The following FBN2 variants were observed in gnomAD, a reference collection of about 807,000 sequenced individuals.
FBN2 encodes the protein fibrillin 2.
In FBN2, 105 loss-of-function variants were observed where a neutral mutation model predicts 355.6. The observed-to-expected ratio is 0.30, with a 90% CI of 0.25 to 0.35. FBN2 has a LOEUF of 0.35. Among genes scored for constraint, FBN2 ranks in the 10% least tolerant of loss-of-function variants. The pLI is 1.00. For missense variants in FBN2, 3,280 were observed against 3,758.7 expected (o/e 0.87, Z 3.33); for synonymous variants, 1,350 against 1,301.2 (o/e 1.04, Z -0.81).
intron 7 of FBN2, among the ~76,000 whole-genome samples, chr5:128,427,001 C>G (rs1453370373): frequency 6.6e-6 from 1 of 152,140 alleles, no homozygotes; most frequent in East Asian, 1.9e-4. Context: ...CTTTAAAGAC[C>G]AACTCTAAGT....
intron 8 of FBN2, among the ~76,000 whole-genome samples, chr5:128,404,709 G>A (rs555815179): frequency 2.0e-5 from 3 of 152,272 alleles, no homozygotes; most frequent in East Asian, 3.9e-4. Context: ...ATAAGACAGG[G>A]CCTAACAAAG....
intron 7 of FBN2, among the ~76,000 whole-genome samples, chr5:128,436,560 A>T (rs2127039539): frequency 6.6e-6 from 1 of 152,178 alleles, no homozygotes; most frequent in East Asian, 1.9e-4. Context: ...TCTATTTTAT[A>T]TGGAGAAAGA....
intron 5 of FBN2, among the ~76,000 whole-genome samples, chr5:128,505,057 T>G (rs1392619315): frequency 2.0e-5 from 3 of 152,218 alleles, no homozygotes; most frequent in African/African-American, 7.2e-5. Flanking sequence ...CTCTCTTTCC[T>G]GCCGCCATTT....
intron 62 of FBN2, among the ~76,000 whole-genome samples, chr5:128,265,999 T>A (rs1316857135): frequency 6.6e-6 from 1 of 152,238 alleles, no homozygotes; most frequent in Non-Finnish European, 1.5e-5. Flanking sequence ...GCTGAAGATA[T>A]TCACACAAGT....
intron 25 of FBN2, among the ~76,000 whole-genome samples, chr5:128,343,926 A>G (rs993212593): frequency 1.1e-4 from 16 of 152,178 alleles, no homozygotes; most frequent in African/African-American, 3.9e-4. Context: ...AGTGTAGAGA[A>G]AAGAAATTTA....
At chr5:128,531,709 T>A (rs994616486) in intron 2 of FBN2, among the ~76,000 whole-genome samples, 17 of 140,574 alleles carry the variant, frequency 1.2e-4, no homozygotes, top group Non-Finnish European at 2.4e-4. Flanking sequence ...TAAGTGTATA[T>A]ATATGTATGT....
intron 64 of FBN2, 52 bp downstream of exon 64, chr5:128,261,684 A>C: frequency 1.9e-6 from 3 of 1,567,824 alleles, no homozygotes; most frequent in Middle Eastern, 1.7e-4. Flanking sequence ...CACTGTATAC[A>C]TGACTCCGTA....
chr5:128,394,828 C>G (rs1244885894), intron 9 of FBN2, among the ~76,000 whole-genome samples: 1 of 152,132 alleles, frequency 6.6e-6, no homozygotes, highest in African/African-American at 2.4e-5. Flanking sequence ...CTCTGTCACT[C>G]AGGCTGGAGT....
intron 7 of FBN2, among the ~76,000 whole-genome samples, chr5:128,414,352 G>T (rs1581273959): frequency 6.6e-6 from 1 of 152,038 alleles, no homozygotes; most frequent in East Asian, 1.9e-4. Context: ...GTTTATTCTG[G>T]ACATTTCATA....
chr5:128,357,282 A>G lies in FBN2; in HGVS notation c.2668T>C (p.Cys890Arg), dbSNP rs1293889629. The G allele has an allele frequency of 6.2e-7, 1 of 1,613,954 alleles. No individual in the cohort carries two copies. The highest frequency in any genetic ancestry group is 1.1e-5 in the South Asian group (1 of 91,082). The change falls in exon 20 of 65, where the codon TGT becomes CGT. Residue 890 changes from cysteine (C) to arginine (R), a missense_variant. Transcript: ENST00000262464. ...GSKLSSTGLICIDSLKGTCWL... is the reference protein window; with the variant it reads ...GSKLSSTGLIRIDSLKGTCWL... Reference sequence around the variant, plus strand: ...TATTGTGTATGAATCTTACCAATACAGATCAATCCTGTGGAGCTGAGTTTG... The same window carrying G: ...TATTGTGTATGAATCTTACCAATACGGATCAATCCTGTGGAGCTGAGTTTG...
chr5:128,334,924 T>C (rs1394631270), intron 30 of FBN2, 80 bp from the exon 31 acceptor site: 5 of 1,310,058 alleles, frequency 3.8e-6, no homozygotes, highest in African/African-American at 2.9e-5. Context: ...AATAGCATAA[T>C]ACTGAAATAC....
intron 20 of FBN2, among the ~76,000 whole-genome samples, chr5:128,355,857 G>C (rs1006307136): frequency 1.3e-5 from 2 of 152,128 alleles, no homozygotes; most frequent in African/African-American, 4.8e-5. Flanking sequence ...TTAGTTGTTG[G>C]CAATTGGAAG....
intron 38 of FBN2, 98 bp from the exon 39 acceptor site, chr5:128,311,523 T>G: frequency 7.7e-7 from 1 of 1,297,736 alleles, no homozygotes; most frequent in Non-Finnish European, 1.1e-6. Flanking sequence ...AAGAATCAGA[T>G]TTCTATGCAT....
chr5:128,341,161 G>A (rs538072417), intron 25 of FBN2, among the ~76,000 whole-genome samples: 99 of 152,298 alleles, frequency 6.5e-4, no homozygotes, highest in African/African-American at 2.3e-3. Flanking sequence ...TATATCCAGA[G>A]CAATGCAGCC....
intron 5 of FBN2, among the ~76,000 whole-genome samples, chr5:128,494,710 G>C (rs1215200833): frequency 6.6e-6 from 1 of 152,110 alleles, no homozygotes; most frequent in Non-Finnish European, 1.5e-5. Flanking sequence ...CTGTGCCTCT[G>C]GGGGGCAGCA....
intron 7 of FBN2, among the ~76,000 whole-genome samples, chr5:128,413,929 G>A (rs1753132312): frequency 6.6e-6 from 1 of 152,068 alleles, no homozygotes; most frequent in South Asian, 2.1e-4. Flanking sequence ...TTCGTATACT[G>A]TTTGACACTA....
At chr5:128,308,811 C>A (rs1749956235) in intron 41 of FBN2, among the ~76,000 whole-genome samples, 1 of 152,096 alleles carries the variant, frequency 6.6e-6, no homozygotes, top group Admixed American at 6.6e-5. Flanking sequence ...TCATAAAAAA[C>A]ACTTTTTGCA....
Position 128,527,900 on chromosome 5 carries a change from T to A in FBN2, c.504A>T (p.Lys168Asn). 2 of 1,612,092 alleles carry A rather than the reference T, an allele frequency of 1.2e-6. No individual in the cohort carries two copies. The highest frequency in any genetic ancestry group is 1.7e-6 in the Non-Finnish European group (2 of 1,178,462). ...TCADDHCQCQKGYIGTYCGQP... is the reference protein window; with the variant it reads ...TCADDHCQCQNGYIGTYCGQP... Reference sequence around the variant, plus strand: ...GTCCACAATAAGTTCCAATATATCCTTTCTGGCACTGGCAGTGGTCATCTG... The same window carrying A: ...GTCCACAATAAGTTCCAATATATCCATTCTGGCACTGGCAGTGGTCATCTG... The change falls in exon 4 of 65, where the codon AAA becomes AAT. Residue 168 changes from lysine (K) to asparagine (N), a missense_variant. This residue lies in a region of FBN2 where 130 missense variants were observed against 189.9 expected (regional missense o/e 0.68). Coordinates refer to ENST00000262464, the MANE Select transcript of FBN2 (RefSeq NM_001999.4).
chr5:128,378,240 T>TA (rs1752138094), intron 12 of FBN2, among the ~76,000 whole-genome samples: 1 of 151,960 alleles, frequency 6.6e-6, no homozygotes, highest in Non-Finnish European at 1.5e-5. Context: ...AGATTAAGAG[T>TA]AACACAATGA....
Sources: allele counts gnomAD v4.1 joint callset (sites outside exome capture counted in the v4.1 genomes callset), GRCh38; gene constraint gnomAD v4.1.1; regional missense constraint gnomAD v4.1.1; transcripts MANE v1.5; gene names NCBI Gene and HGNC (gene_info 2026-07-23, HGNC 2026-07-21).